The following INSRR variants were observed in gnomAD, a reference collection of about 807,000 sequenced individuals.
INSRR encodes insulin receptor-related protein.
In INSRR, 114 loss-of-function variants were observed where a neutral mutation model predicts 130.0. That is an observed-to-expected ratio of 0.88 (90% CI 0.75 to 1.02). The LOEUF (loss-of-function observed/expected upper bound fraction) is 1.02, where lower values mean the gene tolerates loss of function less well. Among genes scored for constraint, INSRR ranks in the 50% least tolerant of loss-of-function variants. INSRR has a pLI of 0.00. For missense variants in INSRR, 1,657 were observed against 1,735.2 expected, an observed-to-expected ratio of 0.95 and a Z score of 0.80; for synonymous variants, 674 against 705.2, an observed-to-expected ratio of 0.96 and a Z score of 0.70.
chr1:156,849,351 G>A lies in INSRR; in HGVS notation c.1339C>T (p.Arg447Cys), dbSNP rs1655123543. ...CGGTAGATGTGTTCCAAGCAGAGGC[G>A]CGGGTTGAAGGCGAAGTAGATCTTG... Reference protein sequence around the residue: ...VGKIYFAFNPRLCLEHIYRLE... With the variant: ...VGKIYFAFNPCLCLEHIYRLE... The change falls in exon 6 of 22, where the codon CGC becomes TGC. Residue 447 changes from arginine (R) to cysteine (C), a missense_variant. Transcript: ENST00000368195. The A allele has an allele frequency of 1.2e-6, 2 of 1,613,924 alleles. No individual in the cohort carries two copies. The highest frequency in any genetic ancestry group is 1.7e-6 in the Non-Finnish European group (2 of 1,179,992).
At chr1:156,843,725 A>G (rs1439804703) in intron 15 of INSRR, among the ~76,000 whole-genome samples, 1 of 152,246 alleles carries the variant, frequency 6.6e-6, no homozygotes, top group Non-Finnish European at 1.5e-5. Flanking sequence ...GCTAGTCCCT[A>G]TAGCCAAGCT....
At chr1:156,845,533 A>G in intron 10 of INSRR, 86 bp downstream of exon 10, 1 of 728,024 alleles carries the variant, frequency 1.4e-6, no homozygotes, top group Non-Finnish European at 1.9e-6. Flanking sequence ...GCAAGGCCCC[A>G]CCCACAAACC....
chr1:156,849,513 G>GGGGGGCGGGGGGGGGC, intron 5 of INSRR, 53 bp from the exon 6 acceptor site: 1 of 486,118 alleles, frequency 2.1e-6, no homozygotes, highest in Non-Finnish European at 4.1e-6. Flanking sequence ...CAGGGGGTGG[G>GGGGGGCGGGGGGGGGC]AAAGGGGATG....
Position 156,845,245 on chromosome 1 carries a change from G to T in INSRR, c.2268C>A (p.Asn756Lys). 6.2e-7 allele frequency: 1 copy of T among 1,611,156 alleles called. No individual in the cohort carries two copies. Among genetic ancestry groups the T allele is most frequent in the Non-Finnish European group, 8.5e-7 (1 of 1,178,874 alleles). The change falls in exon 12 of 22, where the codon AAC (asparagine) becomes AAA (lysine). Residue 756 changes from asparagine to lysine, a missense_variant. Transcript: ENST00000368195. ...CCTCCTGGATCTCGAAATCCGAGCT[G>T]TTGCCCCCCAGCCGGAGGGGCCCAG... ...RAAGPLRLGG[N>K]SSDFEIQEDK...
chr1:156,856,559 C>T (rs1655410238), intron 1 of INSRR, among the ~76,000 whole-genome samples: 1 of 152,196 alleles, frequency 6.6e-6, no homozygotes, highest in South Asian at 2.1e-4. Flanking sequence ...TTCCCTGACC[C>T]TCTGGCCTGG....
At chr1:156,853,634 T>G in intron 2 of INSRR, 118 bp downstream of exon 2, 1 of 1,020,588 alleles carries the variant, frequency 9.8e-7, no homozygotes, top group Non-Finnish European at 1.4e-6. Flanking sequence ...ATAGGATGAG[T>G]GAGGATTAAA....
At position 156,842,244 on chromosome 1, in the gene INSRR, A is replaced by G. The variant is rs150557473; in HGVS notation, c.3265T>C (p.Leu1089=). 212 of 1,613,734 alleles carry G rather than the reference A, an allele frequency of 1.3e-4. 2 individuals carry two copies. In the East Asian group the frequency reaches 2.5e-3, roughly 19 times the overall value. Residue 1089 remains leucine, a synonymous_variant, in exon 19 of 22, where the codon TTG becomes CTG. Transcript: ENST00000368195. ...CCAGCCATTTGGATCATTTCCCCCA[A>G]TGCTGGCTGTGGGAGCCCAGGGTTG... ...ENNPGLPQPA[L]GEMIQMAGEI...
chr1:156,848,928 TGTA>T lies in INSRR; in HGVS notation c.1561_1563del (p.Tyr521del). 4 of 1,575,442 alleles carry T rather than the reference TGTA, an allele frequency of 2.5e-6. No homozygotes were observed. The highest frequency in any genetic ancestry group is 3.4e-6 in the Non-Finnish European group (4 of 1,160,410). On this transcript the variant is annotated inframe_deletion, in exon 7 of 22. Coordinates refer to ENST00000368195, the MANE Select transcript of INSRR (RefSeq NM_014215.3). ...CCCGCCCCCGGCACTCACGACTCCT[TGTA>T]GTACACGATGAAGCTGAGCAGGTCG...
chr1:156,847,363 G>A (rs1202366806), intron 7 of INSRR, among the ~76,000 whole-genome samples: 1 of 152,226 alleles, frequency 6.6e-6, no homozygotes, highest in African/African-American at 2.4e-5. Context: ...CTGCCTGAAG[G>A]CCAGTTTCGG....
intron 19 of INSRR, 90 bp downstream of exon 19, chr1:156,842,022 C>T: frequency 6.3e-7 from 1 of 1,590,068 alleles, no homozygotes; most frequent in East Asian, 2.3e-5. Context: ...CACAGGCTGT[C>T]AGGACCAGGG....
chr1:156,851,192 G>T (rs575307970), intron 5 of INSRR, 98 bp downstream of exon 5: 2 of 1,404,034 alleles, frequency 1.4e-6, no homozygotes, highest in African/African-American at 1.4e-5. Flanking sequence ...CTAGTGAGTA[G>T]CAAAATTGGT....
rs2102870134 is a variant in INSRR, at chr1:156,854,116, C to T, written c.273G>A (p.Leu91=). Reference sequence around the variant, plus strand: ...TGGGGAAGAGGTCGCGCAGGCTCTCCAGTCCGTAGACACGGAAGAGCAGCA... The same window carrying T: ...TGGGGAAGAGGTCGCGCAGGCTCTCTAGTCCGTAGACACGGAAGAGCAGCA... ...DYLLLFRVYG[L]ESLRDLFPNL... is the part of the protein sequence containing the mutation. The change falls in exon 2 of 22, where the codon CTG becomes CTA. Residue 91 remains leucine, a synonymous_variant. Coordinates refer to ENST00000368195, the MANE Select transcript of INSRR (RefSeq NM_014215.3). The surrounding 1 kb of genome is among the most constrained non-coding windows in gnomAD (Gnocchi z 4.2). The T allele has an allele frequency of 1.2e-6, 2 of 1,614,144 alleles. No homozygotes were observed. Among genetic ancestry groups the T allele is most frequent in the Non-Finnish European group, 1.7e-6 (2 of 1,180,048 alleles).
rs775912158 is a variant in INSRR, at chr1:156,851,292, A to G, written c.1227T>C (p.Asp409=). 6 of 1,614,110 alleles carry G rather than the reference A, an allele frequency of 3.7e-6. No individual in the cohort carries two copies. The highest frequency in any genetic ancestry group is 1.7e-5 in the Admixed American group (1 of 60,018). Reference sequence around the variant, plus strand: ...CTGGTCAGAGGCCTAACCCTTACCCATCCACCATGGCGTCTCCCCGGATTA... The same window carrying G: ...CTGGTCAGAGGCCTAACCCTTACCCGTCCACCATGGCGTCTCCCCGGATTA... ...LKLIRGDAMV[D]GNYTLYVLDN... The change falls in exon 5 of 22, where the codon GAT becomes GAC. Residue 409 remains aspartate (D), a splice_region_variant and synonymous_variant. Coordinates refer to ENST00000368195, the MANE Select transcript of INSRR (RefSeq NM_014215.3).
Position 156,851,894 on chromosome 1 carries a change from C to A in INSRR, c.935G>T (p.Ser312Ile). The change falls in exon 3 of 22, where the codon AGC becomes ATC. Residue 312 changes from serine to isoleucine, a missense_variant. Ser to Ile is a moderately radical substitution (Grantham distance 142, BLOSUM62 -2). Coordinates refer to ENST00000368195, the MANE Select transcript of INSRR (RefSeq NM_014215.3). ...AQCPSGFTRN[S>I]SSIFCHKCEG... ...CCACCCTCCCTACACTCACCTGCTG[C>A]TATTACGGGTGAAGCCAGAAGGGCA... 6.3e-7 allele frequency: 1 copy of A among 1,582,782 alleles called. No homozygotes were observed. Among genetic ancestry groups the A allele is most frequent in the South Asian group, 1.2e-5 (1 of 86,558 alleles).
rs747882547 is a variant in INSRR, at chr1:156,841,071, G to T, written c.3696C>A (p.Asn1232Lys). ...GTGTGAAAGATGGGCGCAGGCGTGG[G>T]TTCGGCTGCCAGCAGCGGCTCATCA... is the stretch of plus-strand genomic sequence containing the variant. ...QELMSRCWQP[N>K]PRLRPSFTHI... Residue 1232 changes from asparagine to lysine, a missense_variant, in exon 22 of 22, where the codon AAC (asparagine) becomes AAA (lysine). Transcript: ENST00000368195. The T allele has an allele frequency of 1.4e-5, 22 of 1,572,820 alleles. No homozygotes were observed. Among genetic ancestry groups the T allele is most frequent in the Non-Finnish European group, 1.8e-5 (21 of 1,158,724 alleles).
intron 16 of INSRR, 33 bp from the exon 17 acceptor site, chr1:156,843,266 T>A (rs764309623): frequency 3.8e-6 from 6 of 1,597,662 alleles, no homozygotes; most frequent in Non-Finnish European, 5.2e-6. Context: ...AAAGCGAGGA[T>A]GCTGCTCTCT....
rs1487816062 is a variant in INSRR at position 156,849,049 on chromosome 1, T to C, written c.1445-2A>G. 4 of 1,612,416 alleles carry C rather than the reference T, an allele frequency of 2.5e-6. No homozygotes were observed. The highest frequency in any genetic ancestry group is 2.2e-5 in the East Asian group (1 of 44,852). On this transcript the variant is annotated splice_acceptor_variant, in intron 6 of 21. Transcript: ENST00000368195. LOFTEE classifies it high-confidence loss of function. Reference sequence around the variant, plus strand: ...CGAAGCGCAGGGTGCGAGTCTGGCCTGGGTGGGGCGAGGGGCCTGCTCGCA... The same window carrying C: ...CGAAGCGCAGGGTGCGAGTCTGGCCCGGGTGGGGCGAGGGGCCTGCTCGCA...
intron 21 of INSRR, 105 bp from the exon 22 acceptor site, chr1:156,841,209 T>C: frequency 9.7e-7 from 1 of 1,031,708 alleles, no homozygotes; most frequent in Non-Finnish European, 1.5e-6. Context: ...CGTGGGCCAT[T>C]ATGCCTGGGA....
rs762061230 is a variant in INSRR, at chr1:156,854,187, A to G, written c.202T>C (p.Phe68Leu). The change falls in exon 2 of 22, where the codon TTC becomes CTC. Residue 68 changes from phenylalanine (F) to leucine (L), a missense_variant. Coordinates refer to ENST00000368195, the MANE Select transcript of INSRR (RefSeq NM_014215.3). The surrounding 1 kb of genome is among the most constrained non-coding windows in gnomAD (Gnocchi z 4.2). ...LLMFTATGED[F>L]RGLSFPRLTQ... is the part of the protein sequence containing the mutation. ...AGGCGAGGGAAGCTGAGGCCGCGGA[A>G]GTCCTCCCCGGTGGCTGTGAACATG... 5.0e-6 allele frequency: 8 copies of G among 1,614,108 alleles called. No homozygotes were observed. The highest frequency in any genetic ancestry group is 6.8e-6 in the Non-Finnish European group (8 of 1,180,022).
Sources: allele counts gnomAD v4.1 joint callset (sites outside exome capture counted in the v4.1 genomes callset), GRCh38; gene constraint gnomAD v4.1.1; non-coding constraint Gnocchi (gnomAD v3.1); transcripts MANE v1.5; gene names NCBI Gene and HGNC (gene_info 2026-07-23, HGNC 2026-07-21).